MED13: variants seen among roughly 807,000 people sequenced by gnomAD.
The protein encoded by MED13 is mediator of RNA polymerase II transcription subunit 13.
MED13 carries 23 observed loss-of-function variants against 225.2 expected under a neutral mutation model. That is an observed-to-expected ratio of 0.10 (90% CI 0.07 to 0.14). The LOEUF (loss-of-function observed/expected upper bound fraction) is 0.14. MED13 is among the 10% of genes least tolerant of loss of function. MED13 has a pLI of 1.00. For missense variants in MED13, 2,197 were observed against 2,594.5 expected (o/e 0.85, Z 3.33); for synonymous variants, 942 against 889.2 (o/e 1.06, Z -1.06).
At chr17:62,057,476 G>A (rs1253802767) in intron 2 of MED13, among the ~76,000 whole-genome samples, 1 of 152,170 alleles carries the variant, frequency 6.6e-6, no homozygotes, top group Non-Finnish European at 1.5e-5. Flanking sequence ...AATTTAAAGA[G>A]TCGGGCCACA....
In MED13 at chr17:62,063,245, G is replaced by A. The variant is rs1328020462; in HGVS notation, c.123C>T (p.Ala41=). The A allele has an allele frequency of 3.1e-6, 5 of 1,613,906 alleles. No homozygotes were observed. The Admixed American group carries it at 6.7e-5, about 22-fold the overall frequency. ...CTTCTGTCACAGGAAACAGAATAGG[G>A]GCAGAAGTTGGGCCTTGCCATACAT... The part of the protein sequence containing the change: ...KKYVWQGPTS[A]PILFPVTEED... Residue 41 remains alanine, a synonymous_variant, in exon 2 of 30, where the codon GCC becomes GCT. Coordinates refer to ENST00000397786, the MANE Select transcript of MED13 (RefSeq NM_005121.3).
At chr17:62,059,865 A>T (rs896626561) in intron 2 of MED13, among the ~76,000 whole-genome samples, 1 of 152,244 alleles carries the variant, frequency 6.6e-6, no homozygotes, top group Non-Finnish European at 1.5e-5. Flanking sequence ...AAAAGCTAAA[A>T]TATTATATAA....
At chr17:62,064,998 G>C in intron 1 of MED13, 142 bp downstream of exon 1, 6 of 619,054 alleles carry the variant, frequency 9.7e-6, no homozygotes, top group Non-Finnish European at 1.0e-5. Flanking sequence ...GGGGCTGGCC[G>C]CGGAGCTTCG....
intron 11 of MED13, among the ~76,000 whole-genome samples, chr17:61,990,652 C>T (rs1603398408): frequency 2.4e-5 from 3 of 124,610 alleles, no homozygotes; most frequent in African/African-American, 8.0e-5. Context: ...TATATATATA[C>T]ACACTCCCCC....
rs542428174 is a variant in MED13, at chr17:62,054,863, G to C, written c.302-2158C>G. 2.6e-5 allele frequency among the ~76,000 whole-genome samples: 4 copies of C among 152,066 alleles called. No homozygotes were observed. In the South Asian group the frequency reaches 6.2e-4, roughly 24 times the overall value. ...CAAAAATCCCTACCTTCTGATGGTT[G>C]TAACACTTGTTCTACATAAGAAACC... On this transcript the variant is annotated intron_variant, in intron 2 of 29. Transcript: ENST00000397786.
At chr17:62,012,330 T>A (rs1003521207) in intron 8 of MED13, among the ~76,000 whole-genome samples, 31 of 126,302 alleles carry the variant, frequency 2.5e-4, no homozygotes, top group African/African-American at 1.3e-3. Context: ...TAAGAAACTT[T>A]TTTTTTTTTT....
At chr17:62,012,568 G>T (rs1413507480) in intron 8 of MED13, among the ~76,000 whole-genome samples, 1 of 151,918 alleles carries the variant, frequency 6.6e-6, no homozygotes, top group African/African-American at 2.4e-5. Context: ...GACCTCAGGA[G>T]ATCTGCCCAC....
rs1366766821 is a variant in MED13, at chr17:61,983,055, G to A, written c.2948C>T (p.Ser983Phe). The change falls in exon 16 of 30, where the codon TCT becomes TTT. Residue 983 changes from serine to phenylalanine, a missense_variant. Ser to Phe is a radical substitution (Grantham distance 155, BLOSUM62 -2). Around this residue, in one of 12 missense-constraint regions of MED13, gnomAD observed 160 missense variants for 184.8 expected, o/e 0.87. Transcript: ENST00000397786. ...GTAYTPQTHT[S>F]FGMPPSSAPP... The stretch of plus-strand genomic sequence containing the variant: ...TGCACTGCTAGGAGGCATCCCAAAA[G>A]AAGTATGAGTTTGAGGTGTATAAGC... The A allele has an allele frequency of 6.2e-7, 1 of 1,613,602 alleles. No individual in the cohort carries two copies. The highest frequency in any genetic ancestry group is 8.5e-7 in the Non-Finnish European group (1 of 1,179,810).
Position 61,965,417 on chromosome 17 carries a change from T to G in MED13, c.4433A>C (p.Asn1478Thr). Reference protein sequence around the residue: ...PLDSSLLSQPNLVAPTSQSLI... With the variant: ...PLDSSLLSQPTLVAPTSQSLI... ...AGACTGACTTGTAGGGGCAACTAAATTTGGCTGGGAAAGTAGAGAGCTGTC... is the reference window on the plus strand; with the variant it reads ...AGACTGACTTGTAGGGGCAACTAAAGTTGGCTGGGAAAGTAGAGAGCTGTC... The change falls in exon 20 of 30, where the codon AAT (asparagine) becomes ACT (threonine). Residue 1478 changes from asparagine (N) to threonine (T), a missense_variant. Transcript: ENST00000397786. 6.2e-7 allele frequency: 1 copy of G among 1,614,104 alleles called. No individual in the cohort carries two copies. Among genetic ancestry groups the G allele is most frequent in the Non-Finnish European group, 8.5e-7 (1 of 1,179,984 alleles).
Position 62,029,600 on chromosome 17 carries a change from A to G in MED13, c.1224T>C (p.Ala408=), listed in dbSNP as rs1376482008. 6.2e-7 allele frequency: 1 copy of G among 1,614,226 alleles called. No homozygotes were observed. The highest frequency in any genetic ancestry group is 8.5e-7 in the Non-Finnish European group (1 of 1,180,032). Residue 408 remains alanine, a synonymous_variant, in exon 8 of 30, where the codon GCT becomes GCC. Transcript: ENST00000397786. The part of the protein sequence containing the change: ...SGGLCEEATA[A]KVASWDFVEA... ...CAACAAAATCCCAGGATGCCACTTT[A>G]GCAGCTGTCGCTTCTTCGCATAGAC... is the stretch of plus-strand genomic sequence containing the variant.
chr17:62,013,990 G>C (rs988913095), intron 8 of MED13, among the ~76,000 whole-genome samples: 1 of 152,062 alleles, frequency 6.6e-6, no homozygotes, highest in African/African-American at 2.4e-5. Context: ...AGCAAGCTGA[G>C]ATCACACCAC....
chr17:61,992,509 C>A (rs1313310123), intron 11 of MED13, 31 bp downstream of exon 11: 3 of 1,372,396 alleles, frequency 2.2e-6, no homozygotes, highest in Non-Finnish European at 3.1e-6. Context: ...TCCTGGAATG[C>A]AATATTTTCA....
intron 2 of MED13, among the ~76,000 whole-genome samples, chr17:62,061,064 T>C (rs2081035472): frequency 2.0e-5 from 3 of 152,176 alleles, no homozygotes; most frequent in Admixed American, 2.0e-4. Context: ...AAATCAAAGC[T>C]AGAGAAAAAT....
chr17:61,980,484 C>T (rs2080194538), intron 16 of MED13, among the ~76,000 whole-genome samples: 1 of 152,168 alleles, frequency 6.6e-6, no homozygotes, highest in Non-Finnish European at 1.5e-5. Context: ...TTTACTCCCC[C>T]GTGTTTCCCT....
In MED13 at chr17:62,065,229, G is replaced by A; in HGVS notation, c.-24C>T. The A allele has an allele frequency of 2.6e-6, 4 of 1,545,264 alleles. No individual in the cohort carries two copies. The highest frequency in any genetic ancestry group is 2.6e-5 in the East Asian group (1 of 37,964). On this transcript the variant is annotated 5_prime_UTR_variant, in exon 1 of 30. Coordinates refer to ENST00000397786, the MANE Select transcript of MED13 (RefSeq NM_005121.3). ...ATCGTCCCTCACAGCAGCCGCCGCC[G>A]GCGCCACAACCCACCATCCGCCATT... is the stretch of plus-strand genomic sequence containing the variant.
chr17:61,974,118 T>C (rs2080132938), intron 16 of MED13, among the ~76,000 whole-genome samples: 1 of 152,068 alleles, frequency 6.6e-6, no homozygotes, highest in Non-Finnish European at 1.5e-5. Flanking sequence ...TAGTTGAAAA[T>C]GCTAACGGGC....
rs2079832423 is a variant in MED13 at position 61,943,837 on chromosome 17, A to G, written c.*2631T>C. On this transcript the variant is annotated 3_prime_UTR_variant, in exon 30 of 30. Transcript: ENST00000397786. ...CTTCCACCCTGCTTAATAATCATGG[A>G]TACCTGCACAAAAAAAAAGATGTTA... 6.6e-6 allele frequency: 1 copy of G among 152,574 alleles called. No individual in the cohort carries two copies. Among genetic ancestry groups the G allele is most frequent in the Non-Finnish European group, 1.5e-5 (1 of 67,998 alleles). The allele number at this position is 152,574 out of a possible 1,614,324, so 9.5% of individuals were successfully genotyped here.
chr17:62,042,492 G>GTGGCAGTT (rs1021768886), intron 3 of MED13, among the ~76,000 whole-genome samples: 3 of 148,572 alleles, frequency 2.0e-5, no homozygotes, highest in African/African-American at 7.5e-5. Context: ...AACCTGGGAG[G>GTGGCAGTT]TGGCAGTTGC....
chr17:62,015,940 ATATATATATATATATTTTTTTTT>A (rs1212870507), intron 8 of MED13, among the ~76,000 whole-genome samples: 6 of 9,636 alleles, frequency 6.2e-4, no homozygotes, highest in African/African-American at 1.6e-3. Context: ...ATATATATAT[ATATATATATATATATTTTTTTTT>A]TTTTTTTTTT....
Sources: gnomAD v4.1 joint callset for allele counts (sites outside exome capture counted in the v4.1 genomes callset) on GRCh38, gnomAD v4.1.1 for gene constraint, gnomAD v4.1.1 regional missense constraint, MANE v1.5 for transcripts, NCBI Gene and HGNC (gene_info 2026-07-23, HGNC 2026-07-21) for gene names.